CNTNAP3: variants seen among roughly 807,000 people sequenced by gnomAD.
CNTNAP3 encodes contactin-associated protein-like 3.
CNTNAP3 carries 36 observed loss-of-function variants against 92.1 expected under a neutral mutation model. The observed-to-expected ratio is 0.39, with a 90% CI of 0.30 to 0.52. The LOEUF is 0.52. Ranked by LOEUF, CNTNAP3 falls within the 20% of genes least tolerant of loss-of-function variation. The pLI is 0.76. For missense variants in CNTNAP3, 534 were observed against 1,069.6 expected (o/e 0.50, Z 6.98); for synonymous variants, 232 against 422.3 (o/e 0.55, Z 5.53).
chr9:39,068,243 CA>C lies in CNTNAP3; in HGVS notation c.*5646del, dbSNP rs1198106886. Among the ~76,000 whole-genome samples the C allele has an allele frequency of 2.7e-3, 344 of 129,244 alleles. No individual in the cohort carries two copies. The highest frequency in any genetic ancestry group is 0.026 in the Middle Eastern group (6 of 230). The allele number at this position is 129,244 out of a possible 152,430, so 84.8% of individuals were successfully genotyped here. A position where few individuals can be genotyped will look rare whatever the true frequency, so the allele number is the denominator to read the frequency against. On this transcript the variant is annotated 3_prime_UTR_variant, in exon 24 of 24. Coordinates refer to ENST00000297668, the MANE Select transcript of CNTNAP3 (RefSeq NM_033655.5). ...TGAAACCTTGCCTCCACTAAAAATA[CA>C]AAAAAAAAAAAAAAAAAAAAAATTA... is the stretch of plus-strand genomic sequence containing the variant.
intron 14 of CNTNAP3, among the ~76,000 whole-genome samples, chr9:39,111,828 T>C (rs1413690356): frequency 6.6e-6 from 1 of 152,098 alleles, no homozygotes; most frequent in Non-Finnish European, 1.5e-5. Flanking sequence ...TCAGTTTAAT[T>C]AGGGCAGATA....
intron 21 of CNTNAP3, among the ~76,000 whole-genome samples, chr9:39,082,118 TA>T (rs1825958861): frequency 1.3e-5 from 2 of 149,998 alleles, no homozygotes; most frequent in Non-Finnish European, 3.0e-5. Context: ...TCAAATCAAT[TA>T]AAATTAAATA....
intron 13 of CNTNAP3, among the ~76,000 whole-genome samples, chr9:39,132,439 A>C (rs578179886): frequency 1.3e-5 from 2 of 152,206 alleles, no homozygotes; most frequent in South Asian, 4.1e-4. Flanking sequence ...GGTTTTAATA[A>C]CCCTAGTCAT....
At chr9:39,115,963 CCTGG>C in intron 14 of CNTNAP3, among the ~76,000 whole-genome samples, 1 of 151,994 alleles carries the variant, frequency 6.6e-6, no homozygotes, top group Non-Finnish European at 1.5e-5. Context: ...AGTTGACCAG[CCTGG>C]CCAATAGTGA....
intron 14 of CNTNAP3, among the ~76,000 whole-genome samples, chr9:39,112,685 G>T (rs1321112720): frequency 6.6e-6 from 1 of 151,966 alleles, no homozygotes; most frequent in Non-Finnish European, 1.5e-5. Flanking sequence ...GATTATTTTG[G>T]GGGAGTAGGT....
intron 12 of CNTNAP3, among the ~76,000 whole-genome samples, chr9:39,137,798 GCCA>G (rs1057320828): frequency 5.4e-4 from 82 of 152,298 alleles, no homozygotes; most frequent in African/African-American, 1.7e-3. Context: ...ACAGGCGTGA[GCCA>G]CCGTCTGTTT....
intron 13 of CNTNAP3, among the ~76,000 whole-genome samples, chr9:39,123,447 C>T (rs138522976): frequency 0.056 from 8,506 of 151,774 alleles, 255 homozygotes; most frequent in African/African-American, 0.073. Context: ...ATCGGAATAC[C>T]AGAAGTAGAA....
intron 13 of CNTNAP3, among the ~76,000 whole-genome samples, chr9:39,128,352 T>C (rs1362799828): frequency 1.2e-4 from 18 of 151,470 alleles, no homozygotes; most frequent in African/African-American, 4.2e-4. Flanking sequence ...AATAAAATAT[T>C]AATAAATGAA....
At chr9:39,168,296 C>A (rs1320285243) in intron 8 of CNTNAP3, among the ~76,000 whole-genome samples, 1 of 150,946 alleles carries the variant, frequency 6.6e-6, no homozygotes, top group African/African-American at 2.4e-5. Context: ...GGATTACAGG[C>A]GTGAGCCACC....
rs1402126169 is a variant in CNTNAP3 at position 39,065,894 on chromosome 9, TC to T, written c.*7995del. On this transcript the variant is annotated 3_prime_UTR_variant, in exon 24 of 24. Transcript: ENST00000297668. ...TTCAAATAAAGTGTTGCAAATATTT[TC>T]TCCCAGTCTGTAGCTTGACTCTTAT... 3.3e-5 allele frequency among the ~76,000 whole-genome samples: 5 copies of T among 152,220 alleles called. No homozygotes were observed. The highest frequency in any genetic ancestry group is 3.3e-4 in the Admixed American group (5 of 15,280).
intron 9 of CNTNAP3, chr9:39,154,818 G>A (rs541597103): frequency 4.5e-4 from 83 of 186,456 alleles, no homozygotes; most frequent in African/African-American, 1.9e-3. Context: ...CGCGGCTTCC[G>A]GGAAGGCCGG....
chr9:39,109,515 A>G (rs942449388), intron 14 of CNTNAP3, among the ~76,000 whole-genome samples: 4 of 152,194 alleles, frequency 2.6e-5, no homozygotes, highest in African/African-American at 7.2e-5. Flanking sequence ...CAGGCCATGC[A>G]GCTTCTCACA....
At position 39,072,688 on chromosome 9, in the gene CNTNAP3, A is replaced by C. The variant is rs1218739747; in HGVS notation, c.*1202T>G. On this transcript the variant is annotated 3_prime_UTR_variant, in exon 24 of 24. Coordinates refer to ENST00000297668, the MANE Select transcript of CNTNAP3 (RefSeq NM_033655.5). ...GAACAGTCTTCAGTTTACATTCCAA[A>C]AGTGATTAGATGAAAGGATAATACA... is the stretch of plus-strand genomic sequence containing the variant. 6.6e-6 allele frequency: 1 copy of C among 152,168 alleles called. No homozygotes were observed. The highest frequency in any genetic ancestry group is 2.4e-5 in the African/African-American group (1 of 41,452). 9.4% of individuals were successfully genotyped at this position (152,168 alleles called of 1,614,324 possible).
At chr9:39,117,225 C>A (rs1423030669) in intron 14 of CNTNAP3, among the ~76,000 whole-genome samples, 1 of 151,998 alleles carries the variant, frequency 6.6e-6, no homozygotes, top group African/African-American at 2.4e-5. Context: ...CTTCTGACCT[C>A]AGGTGATCCA....
intron 12 of CNTNAP3, 42 bp from the exon 13 acceptor site, chr9:39,133,177 G>A: frequency 6.5e-7 from 1 of 1,544,542 alleles, no homozygotes; most frequent in South Asian, 1.2e-5. Context: ...CTGGACGGCA[G>A]AGGCCAGCAG....
chr9:39,140,393 A>G, intron 12 of CNTNAP3, 126 bp downstream of exon 12: 1 of 1,401,294 alleles, frequency 7.1e-7, no homozygotes, highest in Non-Finnish European at 9.5e-7. Flanking sequence ...AAATTAATAA[A>G]TATATATTTA....
chr9:39,115,101 CT>C (rs543547406), intron 14 of CNTNAP3, among the ~76,000 whole-genome samples: 3 of 151,656 alleles, frequency 2.0e-5, no homozygotes, highest in East Asian at 1.9e-4. Flanking sequence ...TGATCATAAA[CT>C]TTTTTTTAAG....
intron 13 of CNTNAP3, among the ~76,000 whole-genome samples, chr9:39,120,545 C>T (rs1312032773): frequency 6.6e-6 from 1 of 152,014 alleles, no homozygotes; most frequent in Admixed American, 6.5e-5. Context: ...TGGCGGGAGC[C>T]TGTAGTCCCA....
At chr9:39,131,130 A>G (rs1189631697) in intron 13 of CNTNAP3, among the ~76,000 whole-genome samples, 1 of 150,340 alleles carries the variant, frequency 6.7e-6, no homozygotes, top group African/African-American at 2.4e-5. Context: ...TTTTTTAAAC[A>G]ATTCCAAAGC....
Sources: allele counts gnomAD v4.1 joint callset (sites outside exome capture counted in the v4.1 genomes callset), GRCh38; gene constraint gnomAD v4.1.1; transcripts MANE v1.5; gene names NCBI Gene and HGNC (gene_info 2026-07-23, HGNC 2026-07-21).